The following CSMD1 variants were observed in gnomAD, a reference collection of about 807,000 sequenced individuals.
CSMD1 encodes the protein CUB and sushi domain-containing protein 1.
CSMD1 carries 213 observed loss-of-function variants against 417.5 expected under a neutral mutation model. The ratio of observed to expected loss-of-function variants is 0.51; its 90% CI spans 0.46 to 0.57. CSMD1 has a LOEUF of 0.57. CSMD1 is among the 20% of genes least tolerant of loss of function. CSMD1 has a pLI of 0.00. For synonymous variants in CSMD1, 2,862 were observed against 1,736.8 expected (o/e 1.65, Z -16.11); for missense variants, 6,923 against 4,529.7 (o/e 1.53, Z -15.17).
chr8:4,410,516 CAGAA>C (rs1245672406), intron 3 of CSMD1, among the ~76,000 whole-genome samples: 4 of 152,142 alleles, frequency 2.6e-5, no homozygotes, highest in South Asian at 2.1e-4. Flanking sequence ...ATAAGAGAGA[CAGAA>C]AGAGACTATT....
At chr8:3,176,059 C>T (rs1820917304) in intron 37 of CSMD1, among the ~76,000 whole-genome samples, 1 of 152,082 alleles carries the variant, frequency 6.6e-6, no homozygotes, top group African/African-American at 2.4e-5. Context: ...TTGAATGTTT[C>T]ACTGTCTTGT....
At chr8:4,744,511 A>G (rs796595608) in intron 1 of CSMD1, among the ~76,000 whole-genome samples, 10 of 152,290 alleles carry the variant, frequency 6.6e-5, no homozygotes, top group African/African-American at 2.4e-4. Flanking sequence ...TTTCTTTGTG[A>G]TAATGGTATA....
intron 52 of CSMD1, among the ~76,000 whole-genome samples, chr8:3,017,806 TAA>T (rs777717027): frequency 0.018 from 1,360 of 76,296 alleles, 33 homozygotes; most frequent in African/African-American, 0.066. Context: ...TTGAGTGATT[TAA>T]AAAAAAAAAA....
At chr8:4,236,400 C>T (rs1309706350) in intron 3 of CSMD1, among the ~76,000 whole-genome samples, 1 of 152,086 alleles carries the variant, frequency 6.6e-6, no homozygotes. Context: ...ACGAAGCACC[C>T]ACTCTAGCCA....
intron 3 of CSMD1, among the ~76,000 whole-genome samples, chr8:4,314,207 G>T (rs1017715221): frequency 1.3e-5 from 2 of 151,788 alleles, no homozygotes; most frequent in Non-Finnish European, 2.9e-5. Flanking sequence ...TTTCAAGACT[G>T]CAGTCACGTT....
At chr8:4,178,492 C>T (rs1584966091) in intron 3 of CSMD1, among the ~76,000 whole-genome samples, 1 of 151,088 alleles carries the variant, frequency 6.6e-6, no homozygotes, top group Non-Finnish European at 1.5e-5. Context: ...TGGGCAAAAA[C>T]TGGAAGCATT....
At chr8:3,358,669 G>A (rs557959824) in intron 21 of CSMD1, among the ~76,000 whole-genome samples, 4 of 152,230 alleles carry the variant, frequency 2.6e-5, no homozygotes, top group East Asian at 1.9e-4. Context: ...GATGCCTCTT[G>A]TGCCCACTTA....
chr8:3,501,627 G>C (rs527851369), intron 10 of CSMD1, among the ~76,000 whole-genome samples: 6 of 152,254 alleles, frequency 3.9e-5, no homozygotes, highest in Non-Finnish European at 8.8e-5. Flanking sequence ...ACGCTATAAT[G>C]TATCTGATTC....
At chr8:4,242,949 C>T (rs900603038) in intron 3 of CSMD1, among the ~76,000 whole-genome samples, 9 of 152,110 alleles carry the variant, frequency 5.9e-5, no homozygotes, top group African/African-American at 2.2e-4. Flanking sequence ...TATAACATTG[C>T]ATGAAAAGTC....
chr8:2,969,672 C>T (rs978523404), intron 57 of CSMD1, among the ~76,000 whole-genome samples: 1 of 152,150 alleles, frequency 6.6e-6, no homozygotes, highest in East Asian at 1.9e-4. Flanking sequence ...AGCTACGCTT[C>T]CTGGAAATGC....
At chr8:3,781,395 G>A (rs1799172583) in intron 5 of CSMD1, among the ~76,000 whole-genome samples, 1 of 152,144 alleles carries the variant, frequency 6.6e-6, no homozygotes, top group African/African-American at 2.4e-5. Context: ...ATGCAAGCTT[G>A]TGCTGTGAGG....
In CSMD1 at chr8:4,555,334, A is replaced by G. The variant is rs151338653; in HGVS notation, c.302+82008T>C. On this transcript the variant is annotated intron_variant, in intron 2 of 69. Transcript: ENST00000635120. ...GGGAGATGCTCAGAAGGAAAAAACA[A>G]ATGGACCTGGCAATGGATGGAACAT... 3.9e-5 allele frequency among the ~76,000 whole-genome samples: 6 copies of G among 152,230 alleles called. No individual in the cohort carries two copies. The East Asian group carries it at 1.2e-3, about 29-fold the overall frequency.
chr8:3,921,757 G>A (rs993002157), intron 5 of CSMD1, among the ~76,000 whole-genome samples: 2 of 152,116 alleles, frequency 1.3e-5, no homozygotes, highest in Admixed American at 1.3e-4. Context: ...TACCAAATAT[G>A]AGTGCAATCT....
intron 7 of CSMD1, among the ~76,000 whole-genome samples, chr8:3,663,452 G>C (rs1043591972): frequency 1.3e-5 from 2 of 152,084 alleles, no homozygotes; most frequent in Non-Finnish European, 2.9e-5. Flanking sequence ...TTCAGACATC[G>C]ATTTGATAGC....
chr8:3,695,084 C>T (rs1322502680), intron 7 of CSMD1, among the ~76,000 whole-genome samples: 1 of 33,242 alleles, frequency 3.0e-5, no homozygotes, highest in African/African-American at 1.0e-4. Flanking sequence ...ATTGGAGGCC[C>T]TGCGTGTGTG....
intron 26 of CSMD1, among the ~76,000 whole-genome samples, chr8:3,273,483 A>AT (rs1431824035): frequency 7.2e-6 from 1 of 137,970 alleles, no homozygotes; most frequent in African/African-American, 2.6e-5. Flanking sequence ...TTTTCTATTG[A>AT]TTGGAATAGT....
At chr8:4,824,097 C>T (rs1184557977) in intron 1 of CSMD1, among the ~76,000 whole-genome samples, 3 of 151,678 alleles carry the variant, frequency 2.0e-5, no homozygotes, top group Non-Finnish European at 4.4e-5. Flanking sequence ...CACACACACA[C>T]ACACACACAC....
At chr8:3,917,416 AACACAC>A (rs56102573) in intron 5 of CSMD1, among the ~76,000 whole-genome samples, 96,654 of 150,180 alleles carry the variant, frequency 0.64, 31,318 homozygotes, top group South Asian at 0.74. Flanking sequence ...TATACCACGA[AACACAC>A]ACACACACAC....
intron 18 of CSMD1, among the ~76,000 whole-genome samples, chr8:3,384,695 AT>A (rs1181455809): frequency 8.5e-6 from 1 of 117,090 alleles, no homozygotes; most frequent in Non-Finnish European, 1.7e-5. Flanking sequence ...ATATATTTAT[AT>A]AAATTATATA....
Sources: allele counts gnomAD v4.1 joint callset (sites outside exome capture counted in the v4.1 genomes callset), GRCh38; gene constraint gnomAD v4.1.1; transcripts MANE v1.5; gene names NCBI Gene and HGNC (gene_info 2026-07-23, HGNC 2026-07-21).